The following PPFIBP1 variants were observed in gnomAD, a reference collection of about 807,000 sequenced individuals.
PPFIBP1 encodes the protein liprin-beta-1.
Under a neutral mutation model 137.8 loss-of-function variants are expected in PPFIBP1, and 112 were observed. The observed-to-expected ratio is 0.81, with a 90% CI of 0.70 to 0.95. The LOEUF (loss-of-function observed/expected upper bound fraction) is 0.95, where lower values mean the gene tolerates loss of function less well. Ranked by LOEUF, PPFIBP1 falls within the 40% of genes least tolerant of loss-of-function variation. The probability of loss-of-function intolerance (pLI) is 0.00; values close to 1 mark genes in which losing one functional copy is unlikely to be tolerated. For missense variants in PPFIBP1, 1,083 were observed against 1,196.6 expected (o/e 0.91, Z 1.40); for synonymous variants, 378 against 417.3 (o/e 0.91, Z 1.15).
intron 2 of PPFIBP1, among the ~76,000 whole-genome samples, chr12:27,617,544 A>C (rs994233294): frequency 3.9e-5 from 6 of 152,314 alleles, no homozygotes; most frequent in African/African-American, 1.4e-4. Flanking sequence ...GAGGATCCCA[A>C]AAATCCATAG....
intron 1 of PPFIBP1, among the ~76,000 whole-genome samples, chr12:27,568,618 T>C (rs1592527451): frequency 6.6e-6 from 1 of 152,172 alleles, no homozygotes; most frequent in African/African-American, 2.4e-5. Context: ...AGAGCCGGCT[T>C]CCCTAGCCAG....
intron 2 of PPFIBP1, among the ~76,000 whole-genome samples, chr12:27,590,775 G>A (rs2052406976): frequency 6.6e-6 from 1 of 152,168 alleles, no homozygotes; most frequent in Non-Finnish European, 1.5e-5. Context: ...AGAAGCAAGT[G>A]TGTCCCCTTC....
chr12:27,540,295 G>C lies in PPFIBP1; in HGVS notation c.-124+15930G>C, dbSNP rs539463918. ...GAGGTTGAGAAACGCTGCCTTGAAG[G>C]GTTGTAAAGATGAAACAAGATAATG... On this transcript the variant is annotated intron_variant, in intron 1 of 29. Transcript: ENST00000228425. Among the ~76,000 whole-genome samples the C allele has an allele frequency of 8.6e-5, 13 of 151,764 alleles. No homozygotes were observed. The East Asian group carries it at 2.5e-3, about 29-fold the overall frequency.
At chr12:27,550,962 G>T (rs1014397556) in intron 1 of PPFIBP1, among the ~76,000 whole-genome samples, 8 of 145,978 alleles carry the variant, frequency 5.5e-5, no homozygotes, top group African/African-American at 2.0e-4. Context: ...CTTTGTTTGG[G>T]GGTGGGCACT....
intron 26 of PPFIBP1, 141 bp from the exon 27 acceptor site, chr12:27,688,874 C>A: frequency 1.4e-6 from 1 of 725,300 alleles, no homozygotes; most frequent in South Asian, 1.9e-5. Context: ...GATCAAAGTC[C>A]ATATTGTGTC....
chr12:27,650,298 A>G (rs2058799665), intron 7 of PPFIBP1, among the ~76,000 whole-genome samples, 157 bp downstream of exon 7: 1 of 152,232 alleles, frequency 6.6e-6, no homozygotes, highest in Non-Finnish European at 1.5e-5. Flanking sequence ...CATTTTAAGA[A>G]TAATCTTTCA....
At chr12:27,562,990 C>G (rs979482074) in intron 1 of PPFIBP1, among the ~76,000 whole-genome samples, 7 of 151,850 alleles carry the variant, frequency 4.6e-5, no homozygotes, top group Non-Finnish European at 1.0e-4. Context: ...TCTCCCCACG[C>G]TGCCTGTCTT....
At chr12:27,576,885 AG>A (rs1350596954) in intron 1 of PPFIBP1, among the ~76,000 whole-genome samples, 1 of 152,208 alleles carries the variant, frequency 6.6e-6, no homozygotes, top group Non-Finnish European at 1.5e-5. Flanking sequence ...TGCTCTCTGA[AG>A]CATCTTAGGG....
At position 27,597,151 on chromosome 12, in the gene PPFIBP1, A is replaced by G. The variant is rs1213750622; in HGVS notation, c.-36+18912A>G. Among the ~76,000 whole-genome samples, 5 of 152,250 alleles carry G rather than the reference A, an allele frequency of 3.3e-5. No individual in the cohort carries two copies. The East Asian group carries it at 9.6e-4, about 29-fold the overall frequency. On this transcript the variant is annotated intron_variant, in intron 2 of 29. Coordinates refer to ENST00000228425, the MANE Select transcript of PPFIBP1 (RefSeq NM_003622.4). ...TCCATATTTGGGGCAGGCCAAAATG[A>G]GATTTATTTATTTATTATTTATTTA...
intron 1 of PPFIBP1, among the ~76,000 whole-genome samples, chr12:27,573,437 G>A (rs10506025): frequency 0.31 from 47,407 of 151,956 alleles, 7,861 homozygotes; most frequent in Middle Eastern, 0.46. Flanking sequence ...AGGTTTTGAT[G>A]TTGGTAGTAG....
chr12:27,680,711 C>T (rs1168195408), intron 21 of PPFIBP1, among the ~76,000 whole-genome samples: 1 of 152,188 alleles, frequency 6.6e-6, no homozygotes, highest in Admixed American at 6.5e-5. Context: ...ACTGCTCTGA[C>T]ACTCTTAACC....
intron 4 of PPFIBP1, among the ~76,000 whole-genome samples, chr12:27,643,578 A>G (rs112829016): frequency 0.19 from 21,355 of 110,400 alleles, 3,012 homozygotes; most frequent in Non-Finnish European, 0.25. Flanking sequence ...CGGTCCGTGC[A>G]GAAGGAATAA....
At chr12:27,599,779 A>G (rs2053761166) in intron 2 of PPFIBP1, among the ~76,000 whole-genome samples, 1 of 152,234 alleles carries the variant, frequency 6.6e-6, no homozygotes, top group African/African-American at 2.4e-5. Context: ...ATGAGAAAAT[A>G]TCTGACAAAC....
At chr12:27,632,931 C>A (rs779601823) in intron 2 of PPFIBP1, among the ~76,000 whole-genome samples, 1 of 152,024 alleles carries the variant, frequency 6.6e-6, no homozygotes, top group Non-Finnish European at 1.5e-5. Flanking sequence ...AAATCTTAAG[C>A]CCTTGTACAG....
intron 4 of PPFIBP1, among the ~76,000 whole-genome samples, chr12:27,640,236 C>T (rs528448811): frequency 4.7e-4 from 72 of 152,232 alleles, no homozygotes; most frequent in Non-Finnish European, 7.5e-4. Flanking sequence ...TTTGTTAGGA[C>T]TGAAGGGAAA....
chr12:27,618,485 T>G (rs2056007684), intron 2 of PPFIBP1, among the ~76,000 whole-genome samples: 1 of 152,222 alleles, frequency 6.6e-6, no homozygotes, highest in Non-Finnish European at 1.5e-5. Context: ...CCACAACCCC[T>G]CATCTTAACC....
intron 1 of PPFIBP1, among the ~76,000 whole-genome samples, chr12:27,573,267 C>T (rs9300175): frequency 0.63 from 95,498 of 152,066 alleles, 30,273 homozygotes; most frequent in African/African-American, 0.7. Context: ...ATTAAATACC[C>T]GAATGAATGG....
chr12:27,554,222 C>G (rs1483551526), intron 1 of PPFIBP1, among the ~76,000 whole-genome samples: 1 of 152,202 alleles, frequency 6.6e-6, no homozygotes, highest in Admixed American at 6.6e-5. Flanking sequence ...TTACACTCAT[C>G]CCAACATCCC....
chr12:27,572,009 C>T (rs529666720), intron 1 of PPFIBP1, among the ~76,000 whole-genome samples: 1 of 152,248 alleles, frequency 6.6e-6, no homozygotes, highest in African/African-American at 2.4e-5. Flanking sequence ...CTGTAATCCG[C>T]AATCTCTGAT....
Sources: gnomAD v4.1 joint callset for allele counts (sites outside exome capture counted in the v4.1 genomes callset) on GRCh38, gnomAD v4.1.1 for gene constraint, MANE v1.5 for transcripts, NCBI Gene and HGNC (gene_info 2026-07-23, HGNC 2026-07-21) for gene names.